The following FIGN variants were observed in gnomAD, a reference collection of about 807,000 sequenced individuals.
The protein encoded by FIGN is fidgetin, microtubule severing factor.
A neutral mutation model predicts 51.3 loss-of-function variants in FIGN; 11 were observed. The observed-to-expected ratio is 0.21, with a 90% CI of 0.13 to 0.35. The LOEUF is 0.35. FIGN is among the 10% of genes least tolerant of loss of function. FIGN has a pLI of 1.00. For missense variants in FIGN, 857 were observed against 943.6 expected, an observed-to-expected ratio of 0.91 and a Z score of 1.20; for synonymous variants, 407 against 363.2, an observed-to-expected ratio of 1.12 and a Z score of -1.37.
intron 2 of FIGN, among the ~76,000 whole-genome samples, chr2:163,650,773 G>A (rs1394494683): frequency 6.6e-6 from 1 of 152,188 alleles, no homozygotes; most frequent in Non-Finnish European, 1.5e-5. Context: ...ACAGAAGATT[G>A]CTTCTGAGTG....
intron 2 of FIGN, among the ~76,000 whole-genome samples, chr2:163,647,506 G>A (rs990851173): frequency 2.0e-5 from 3 of 152,156 alleles, no homozygotes; most frequent in Non-Finnish European, 2.9e-5. Context: ...AAGGCCTTCA[G>A]AGCTCACCCT....
chr2:163,616,701 C>T (rs945394850), intron 2 of FIGN, among the ~76,000 whole-genome samples: 1 of 152,008 alleles, frequency 6.6e-6, no homozygotes, highest in Non-Finnish European at 1.5e-5. Flanking sequence ...TATTTTTTAA[C>T]ATTAAAAAAA....
At chr2:163,630,051 C>G (rs1373610909) in intron 2 of FIGN, among the ~76,000 whole-genome samples, 1 of 146,002 alleles carries the variant, frequency 6.8e-6, no homozygotes, top group Non-Finnish European at 1.5e-5. Context: ...ACCTCAACCT[C>G]CTGGTCTCAG....
chr2:163,666,059 T>C (rs764957726), intron 2 of FIGN, among the ~76,000 whole-genome samples: 4 of 152,172 alleles, frequency 2.6e-5, no homozygotes, highest in Non-Finnish European at 4.4e-5. Flanking sequence ...AACCCCAGGA[T>C]GTGCAAATAT....
At chr2:163,709,036 G>A (rs898396266) in intron 2 of FIGN, among the ~76,000 whole-genome samples, 2 of 152,168 alleles carry the variant, frequency 1.3e-5, no homozygotes, top group Admixed American at 6.5e-5. Context: ...GGCAATGGGT[G>A]TCCTTATGCA....
Position 163,625,278 on chromosome 2 carries a change from G to C in FIGN, c.26-13472C>G, listed in dbSNP as rs186319802. On this transcript the variant is annotated intron_variant, in intron 2 of 2. Transcript: ENST00000333129. ...TATTCTTATCATTAAGAGGAAAAAT[G>C]GCATTTCTATCACTAAGCTAAAACA... 1.5e-4 allele frequency among the ~76,000 whole-genome samples: 23 copies of C among 151,888 alleles called. 1 individual carries two copies. The East Asian group carries it at 4.5e-3, about 29-fold the overall frequency.
At chr2:163,695,134 T>C (rs1323430813) in intron 2 of FIGN, among the ~76,000 whole-genome samples, 1 of 152,210 alleles carries the variant, frequency 6.6e-6, no homozygotes, top group Admixed American at 6.5e-5. Context: ...TTTCTTCATC[T>C]CAAACTATCA....
intron 2 of FIGN, among the ~76,000 whole-genome samples, chr2:163,712,521 T>C (rs969666005): frequency 6.6e-6 from 1 of 152,172 alleles, no homozygotes; most frequent in Non-Finnish European, 1.5e-5. Context: ...AGACATATAA[T>C]CAAATACATA....
In FIGN at chr2:163,604,920, C is replaced by T. The variant is rs1249199292; in HGVS notation, c.*4632G>A. ...GATATTAGAGGGAGAGTTTTAAGCC[C>T]AGAAATAAACTTTTGCTTTTTTTTT... On this transcript the variant is annotated 3_prime_UTR_variant, in exon 3 of 3. Transcript: ENST00000333129. 9.8e-6 allele frequency: 1 copy of T among 102,530 alleles called. No individual in the cohort carries two copies. The highest frequency in any genetic ancestry group is 1.2e-4 in the Admixed American group (1 of 8,458). The allele number at this position is 102,530 out of a possible 1,614,324, so 6.4% of individuals were successfully genotyped here.
intron 2 of FIGN, among the ~76,000 whole-genome samples, chr2:163,682,892 AC>A (rs1292960283): frequency 4.6e-5 from 7 of 152,208 alleles, no homozygotes; most frequent in African/African-American, 1.7e-4. Context: ...TGGATGAGTC[AC>A]TTAACCTCTT....
intron 2 of FIGN, among the ~76,000 whole-genome samples, chr2:163,708,581 G>A (rs981612247): frequency 6.6e-6 from 1 of 152,140 alleles, no homozygotes; most frequent in African/African-American, 2.4e-5. Context: ...CATAAAAGAG[G>A]ATATGGGCTT....
chr2:163,712,608 T>C (rs1684603292), intron 2 of FIGN, among the ~76,000 whole-genome samples: 1 of 152,136 alleles, frequency 6.6e-6, no homozygotes, highest in African/African-American at 2.4e-5. Flanking sequence ...TTTGTTAAAA[T>C]AAAAACCGCT....
chr2:163,613,678 C>T (rs1018172154), intron 2 of FIGN, among the ~76,000 whole-genome samples: 1 of 152,172 alleles, frequency 6.6e-6, no homozygotes, highest in Non-Finnish European at 1.5e-5. Flanking sequence ...CATGCCAGGG[C>T]TGGCACTGCT....
chr2:163,643,854 G>T (rs1049948425), intron 2 of FIGN, among the ~76,000 whole-genome samples: 3 of 143,158 alleles, frequency 2.1e-5, no homozygotes, highest in Non-Finnish European at 4.5e-5. Context: ...ATCGCTTGAA[G>T]CCGGGAGGCA....
In FIGN at chr2:163,650,984, C is replaced by A. The variant is rs6432768; in HGVS notation, c.26-39178G>T. Among the ~76,000 whole-genome samples, 387 of 152,246 alleles carry A rather than the reference C, an allele frequency of 2.5e-3. 2 individuals carry two copies. Among genetic ancestry groups the A allele is most frequent in the African/African-American group, 8.5e-3 (351 of 41,538 alleles). On this transcript the variant is annotated intron_variant, in intron 2 of 2. Coordinates refer to ENST00000333129, the MANE Select transcript of FIGN (RefSeq NM_018086.4). The stretch of plus-strand genomic sequence containing the variant: ...GAAATAGTTTCTGTGTTGAGGACAG[C>A]CTGATGATTTTCGAATTGGGCTCAA...
chr2:163,693,955 C>T (rs1684276658), intron 2 of FIGN, among the ~76,000 whole-genome samples: 1 of 152,144 alleles, frequency 6.6e-6, no homozygotes, highest in African/African-American at 2.4e-5. Flanking sequence ...TAACACAGGA[C>T]CTGTACTTCT....
intron 2 of FIGN, among the ~76,000 whole-genome samples, chr2:163,658,375 CTCTCTCT>C (rs1032368391): frequency 1.2e-4 from 2 of 17,360 alleles, no homozygotes; most frequent in African/African-American, 2.3e-4. Flanking sequence ...CTCTCTCTCT[CTCTCTCT>C]CTCTCTCTCT....
At chr2:163,647,155 T>G (rs1683395229) in intron 2 of FIGN, among the ~76,000 whole-genome samples, 1 of 152,186 alleles carries the variant, frequency 6.6e-6, no homozygotes, top group Non-Finnish European at 1.5e-5. Context: ...CCAAAGAGAT[T>G]AGTTAGAGAA....
intron 2 of FIGN, among the ~76,000 whole-genome samples, chr2:163,691,634 T>C (rs975311039): frequency 2.0e-5 from 3 of 152,106 alleles, no homozygotes; most frequent in African/African-American, 7.2e-5. Flanking sequence ...CTTCCATGAG[T>C]GGTTATGCAC....
Sources: allele counts gnomAD v4.1 joint callset (sites outside exome capture counted in the v4.1 genomes callset), GRCh38; gene constraint gnomAD v4.1.1; transcripts MANE v1.5; gene names NCBI Gene and HGNC (gene_info 2026-07-23, HGNC 2026-07-21).